Variants in KIAA1217 observed in about 807,000 individuals in gnomAD.
KIAA1217 encodes the protein sickle tail protein homolog.
Under a neutral mutation model 163.9 loss-of-function variants are expected in KIAA1217, and 88 were observed. That is an observed-to-expected ratio of 0.54 (90% confidence interval 0.45 to 0.64). KIAA1217 has a LOEUF of 0.64. KIAA1217 is among the 30% of genes least tolerant of loss of function. The probability of loss-of-function intolerance (pLI) is 0.00; values close to 1 mark genes in which losing one functional copy is unlikely to be tolerated. For missense variants in KIAA1217, 2,372 were observed against 2,475.0 expected (o/e 0.96, Z 0.88); for synonymous variants, 903 against 923.1 (o/e 0.98, Z 0.39).
chr10:23,739,925 G>C (rs779824753), intron 1 of KIAA1217, among the ~76,000 whole-genome samples: 4 of 152,190 alleles, frequency 2.6e-5, no homozygotes, highest in Non-Finnish European at 5.9e-5. Flanking sequence ...AGGTGAAAGA[G>C]AGAAGAGTTA....
At chr10:24,330,709 A>G (rs2045563801) in intron 2 of KIAA1217, among the ~76,000 whole-genome samples, 1 of 152,040 alleles carries the variant, frequency 6.6e-6, no homozygotes, top group Non-Finnish European at 1.5e-5. Flanking sequence ...TCCTCCTACC[A>G]AGCTCAAGCA....
At chr10:24,229,193 T>C (rs2071018810) in intron 2 of KIAA1217, among the ~76,000 whole-genome samples, 2 of 152,236 alleles carry the variant, frequency 1.3e-5, no homozygotes, top group African/African-American at 4.8e-5. Context: ...GTAAGGCTAA[T>C]TGAAATTAAG....
chr10:24,059,786 C>T (rs1019880809), intron 2 of KIAA1217, among the ~76,000 whole-genome samples: 19 of 152,138 alleles, frequency 1.2e-4, no homozygotes, highest in Non-Finnish European at 2.4e-4. Flanking sequence ...ACCATGGTCT[C>T]GATCTCCTGA....
chr10:23,794,792 C>T (rs1477271990), intron 1 of KIAA1217, among the ~76,000 whole-genome samples: 1 of 152,192 alleles, frequency 6.6e-6, no homozygotes, highest in African/African-American at 2.4e-5. Context: ...AACGTGTATA[C>T]GTGTGTTTCT....
intron 2 of KIAA1217, among the ~76,000 whole-genome samples, chr10:24,377,487 C>T (rs1045252513): frequency 6.6e-6 from 1 of 152,098 alleles, no homozygotes; most frequent in African/African-American, 2.4e-5. Flanking sequence ...TCACCGGAGG[C>T]AAAATGAGAA....
At chr10:23,821,621 A>C (rs1163087158) in intron 1 of KIAA1217, among the ~76,000 whole-genome samples, 1 of 152,206 alleles carries the variant, frequency 6.6e-6, no homozygotes, top group Non-Finnish European at 1.5e-5. Context: ...ATGCTCCTCC[A>C]TCTACCGATT....
chr10:24,383,061 G>A (rs1591481493), intron 3 of KIAA1217, among the ~76,000 whole-genome samples: 1 of 151,962 alleles, frequency 6.6e-6, no homozygotes, highest in East Asian at 1.9e-4. Flanking sequence ...TGCCCAGGCT[G>A]GTCTGGAATT....
chr10:24,048,101 A>C (rs1050394443), intron 2 of KIAA1217, among the ~76,000 whole-genome samples: 3 of 152,208 alleles, frequency 2.0e-5, no homozygotes, highest in Admixed American at 6.5e-5. Context: ...AGAAGATCAG[A>C]GGTCAAGGGT....
chr10:23,831,058 T>C (rs757642623), intron 1 of KIAA1217, among the ~76,000 whole-genome samples: 1 of 152,168 alleles, frequency 6.6e-6, no homozygotes, highest in Non-Finnish European at 1.5e-5. Context: ...GAACTTGTCT[T>C]CTCTACTGAC....
intron 7 of KIAA1217, 134 bp from the exon 8 acceptor site, chr10:24,495,013 C>A: frequency 1.4e-6 from 1 of 710,304 alleles, no homozygotes; most frequent in Non-Finnish European, 2.3e-6. Flanking sequence ...AATTGTGATG[C>A]TGATGCTAAA....
intron 2 of KIAA1217, among the ~76,000 whole-genome samples, chr10:24,231,258 C>T (rs2071369973): frequency 6.6e-6 from 1 of 152,106 alleles, no homozygotes; most frequent in Non-Finnish European, 1.5e-5. Flanking sequence ...CTGCTGTGAG[C>T]TGAGCAGTGA....
chr10:24,065,539 A>C (rs2060905869), intron 2 of KIAA1217, among the ~76,000 whole-genome samples: 1 of 152,068 alleles, frequency 6.6e-6, no homozygotes, highest in Admixed American at 6.6e-5. Flanking sequence ...TTTTACATTT[A>C]CTGAGGAGTG....
intron 2 of KIAA1217, among the ~76,000 whole-genome samples, chr10:24,091,168 C>A (rs1296514602): frequency 6.6e-6 from 1 of 151,878 alleles, no homozygotes; most frequent in African/African-American, 2.4e-5. Flanking sequence ...GTGTTATTAT[C>A]AGTCCTGCCT....
intron 2 of KIAA1217, chr10:24,157,927 G>A: frequency 1.4e-6 from 1 of 713,672 alleles, no homozygotes; most frequent in Non-Finnish European, 2.5e-6. Context: ...TTAATGCCCA[G>A]TTCTTACCTG....
chr10:24,260,261 C>G (rs2075590461), intron 2 of KIAA1217, among the ~76,000 whole-genome samples: 1 of 152,088 alleles, frequency 6.6e-6, no homozygotes, highest in Admixed American at 6.6e-5. Context: ...ATGAGTGGCT[C>G]TGCTTCAGGA....
chr10:24,400,166 T>C (rs1217164588), intron 3 of KIAA1217, among the ~76,000 whole-genome samples: 1 of 152,096 alleles, frequency 6.6e-6, no homozygotes, highest in Non-Finnish European at 1.5e-5. Context: ...GCCTCTGACC[T>C]GAGAATTGGG....
At chr10:23,927,243 C>T (rs986991079) in intron 1 of KIAA1217, among the ~76,000 whole-genome samples, 2 of 151,508 alleles carry the variant, frequency 1.3e-5, no homozygotes, top group South Asian at 4.2e-4. Context: ...ATTTTAACTG[C>T]CTGAAAATTT....
intron 1 of KIAA1217, among the ~76,000 whole-genome samples, chr10:23,841,222 G>A (rs758489326): frequency 6.6e-6 from 1 of 152,168 alleles, no homozygotes; most frequent in Admixed American, 6.5e-5. Flanking sequence ...TCATTAGGTT[G>A]TGTGTAAACC....
intron 2 of KIAA1217, among the ~76,000 whole-genome samples, chr10:24,032,449 G>T (rs571501466): frequency 2.9e-4 from 44 of 152,072 alleles, no homozygotes; most frequent in Non-Finnish European, 5.6e-4. Context: ...ATCTCACTAT[G>T]TTGCCCAGGC....
Sources: allele counts gnomAD v4.1 joint callset (sites outside exome capture counted in the v4.1 genomes callset), GRCh38; gene constraint gnomAD v4.1.1; transcripts MANE v1.5; gene names NCBI Gene and HGNC (gene_info 2026-07-23, HGNC 2026-07-21).